The following RALGPS1 variants were observed in gnomAD, a reference collection of about 807,000 sequenced individuals.
RALGPS1 encodes the protein ras-specific guanine nucleotide-releasing factor RalGPS1.
Under a neutral mutation model 78.8 loss-of-function variants are expected in RALGPS1, and 19 were observed. The ratio of observed to expected loss-of-function variants is 0.24; its 90% CI spans 0.17 to 0.35. The LOEUF is 0.35. Among genes scored for constraint, RALGPS1 ranks in the 10% least tolerant of loss-of-function variants. The probability of loss-of-function intolerance (pLI) is 1.00; values close to 1 mark genes in which losing one functional copy is unlikely to be tolerated. For synonymous variants in RALGPS1, 228 were observed against 256.3 expected, an observed-to-expected ratio of 0.89 and a Z score of 1.06; for missense variants, 454 against 688.3, an observed-to-expected ratio of 0.66 and a Z score of 3.81.
chr9:127,096,135 T>A (rs759630473), intron 8 of RALGPS1, among the ~76,000 whole-genome samples: 1 of 152,204 alleles, frequency 6.6e-6, no homozygotes, highest in Non-Finnish European at 1.5e-5. Context: ...CCAGTGCCAC[T>A]TCCTGCCTTT....
intron 7 of RALGPS1, among the ~76,000 whole-genome samples, chr9:127,067,552 G>A (rs1217300512): frequency 6.6e-6 from 1 of 152,214 alleles, no homozygotes; most frequent in Non-Finnish European, 1.5e-5. Context: ...GAACTGCACT[G>A]CTTCCCCAGG....
In RALGPS1 at chr9:127,211,910, G is replaced by C. The variant is rs1357380096; in HGVS notation, c.1248-221G>C. Among the ~76,000 whole-genome samples the C allele has an allele frequency of 6.6e-6, 1 of 152,204 alleles. No homozygotes were observed. The highest frequency in any genetic ancestry group is 1.5e-5 in the Non-Finnish European group (1 of 68,030). ...ATGAGGAACTTGGTCACCAAGCCTG[G>C]AGCTTTGCAGCCCCAGAGACAGGTG... On this transcript the variant is annotated intron_variant, in intron 14 of 18. Coordinates refer to ENST00000259351, the MANE Select transcript of RALGPS1 (RefSeq NM_014636.3). This position sits in a 1 kb window ranked among gnomAD's most constrained non-coding sequence, Gnocchi z 5.0.
At chr9:127,134,669 C>T (rs1473544097) in intron 8 of RALGPS1, among the ~76,000 whole-genome samples, 1 of 152,182 alleles carries the variant, frequency 6.6e-6, no homozygotes, top group Non-Finnish European at 1.5e-5. Context: ...CCTAAACTGA[C>T]TCAGATCTTC....
At chr9:127,174,891 C>A in intron 11 of RALGPS1, 109 bp downstream of exon 11, 2 of 919,390 alleles carry the variant, frequency 2.2e-6, no homozygotes, top group Admixed American at 1.8e-5. Flanking sequence ...TGCAGCTTAG[C>A]AGACTCAGCT....
At chr9:126,937,709 C>T (rs2036393047) in intron 1 of RALGPS1, among the ~76,000 whole-genome samples, 2 of 152,166 alleles carry the variant, frequency 1.3e-5, no homozygotes, top group Admixed American at 6.5e-5. Context: ...GAAGGATGTG[C>T]CCCTTCCCTT....
intron 8 of RALGPS1, among the ~76,000 whole-genome samples, chr9:127,114,274 T>C (rs1298576484): frequency 6.6e-6 from 1 of 152,232 alleles, no homozygotes; most frequent in African/African-American, 2.4e-5. Flanking sequence ...CTTTTAAGGC[T>C]AACAGCAAAG....
At chr9:127,094,924 G>A (rs1167575306) in intron 8 of RALGPS1, among the ~76,000 whole-genome samples, 1 of 152,200 alleles carries the variant, frequency 6.6e-6, no homozygotes, top group Non-Finnish European at 1.5e-5. Flanking sequence ...TCCCCAGGCA[G>A]TTTCTTATGT....
At chr9:126,938,264 G>C (rs1322960919) in intron 1 of RALGPS1, among the ~76,000 whole-genome samples, 1 of 152,176 alleles carries the variant, frequency 6.6e-6, no homozygotes, top group Non-Finnish European at 1.5e-5. Context: ...ATATTGTTAG[G>C]TTTAAAAAAT....
chr9:127,213,137 T>A, intron 17 of RALGPS1, 88 bp downstream of exon 17: 1 of 1,555,998 alleles, frequency 6.4e-7, no homozygotes, highest in East Asian at 2.3e-5. Flanking sequence ...TATTAGGAGC[T>A]TTTGAGGCTG....
At chr9:127,162,602 C>T (rs1362101398) in intron 8 of RALGPS1, among the ~76,000 whole-genome samples, 1 of 152,178 alleles carries the variant, frequency 6.6e-6, no homozygotes, top group East Asian at 1.9e-4. Context: ...GAGGGGTGCT[C>T]TACCCAGTCC....
At chr9:127,058,219 G>T (rs1214243874) in intron 7 of RALGPS1, among the ~76,000 whole-genome samples, 1 of 152,230 alleles carries the variant, frequency 6.6e-6, no homozygotes, top group Non-Finnish European at 1.5e-5. Context: ...GATGTGAGAG[G>T]CAGTGACTGG....
intron 5 of RALGPS1, among the ~76,000 whole-genome samples, chr9:127,048,440 G>A (rs963855588): frequency 6.6e-6 from 1 of 152,098 alleles, no homozygotes; most frequent in Non-Finnish European, 1.5e-5. Flanking sequence ...CTAATACAGC[G>A]ATTCCTTAAG....
intron 11 of RALGPS1, among the ~76,000 whole-genome samples, chr9:127,177,250 TG>T (rs2059933073): frequency 6.6e-6 from 1 of 152,036 alleles, no homozygotes; most frequent in Non-Finnish European, 1.5e-5. Context: ...GGTGGGCCCC[TG>T]GTATACACTA....
chr9:126,969,055 G>GA (rs952133421), intron 3 of RALGPS1, among the ~76,000 whole-genome samples: 7 of 146,418 alleles, frequency 4.8e-5, no homozygotes, highest in African/African-American at 1.3e-4. Flanking sequence ...TCTCAAAAAA[G>GA]AAAAAAAAAA....
At position 126,952,648 on chromosome 9, in the gene RALGPS1, A is replaced by AGTGT. The variant is rs1370007469; in HGVS notation, c.-65-9576_-65-9575insTGTG. Among the ~76,000 whole-genome samples the AGTGT allele has an allele frequency of 1.6e-4, 12 of 75,524 alleles. No individual in the cohort carries two copies. In the South Asian group the frequency reaches 4.6e-3, roughly 29 times the overall value. The allele number at this position is 75,524 out of a possible 152,430, so 49.5% of individuals were successfully genotyped here. Reference sequence around the variant, plus strand: ...GTGGCTGAGAGAGAGAGAGAGAGAGAGAGAGAGAGTGTGTGTGTGTGTGTG... The same window carrying AGTGT: ...GTGGCTGAGAGAGAGAGAGAGAGAGAGTGTGAGAGAGAGTGTGTGTGTGTGTGTG... On this transcript the variant is annotated intron_variant, in intron 1 of 18. Coordinates refer to ENST00000259351, the MANE Select transcript of RALGPS1 (RefSeq NM_014636.3).
chr9:126,934,823 C>T (rs1174551947), intron 1 of RALGPS1, among the ~76,000 whole-genome samples: 1 of 152,160 alleles, frequency 6.6e-6, no homozygotes, highest in Non-Finnish European at 1.5e-5. Flanking sequence ...TGTACCTACC[C>T]AGAAGCCCCC....
chr9:127,167,802 T>C (rs1257075815), intron 9 of RALGPS1, among the ~76,000 whole-genome samples: 3 of 152,196 alleles, frequency 2.0e-5, no homozygotes, highest in Non-Finnish European at 2.9e-5. Context: ...TCTGTTCCTC[T>C]TCACGACCTC....
chr9:127,067,726 G>T (rs1049285245), intron 7 of RALGPS1, among the ~76,000 whole-genome samples: 1 of 152,224 alleles, frequency 6.6e-6, no homozygotes, highest in African/African-American at 2.4e-5. Context: ...TGGGGCTTCT[G>T]TTTATTCATG....
At chr9:127,057,855 T>A (rs2048873232) in intron 7 of RALGPS1, among the ~76,000 whole-genome samples, 1 of 152,194 alleles carries the variant, frequency 6.6e-6, no homozygotes, top group African/African-American at 2.4e-5. Flanking sequence ...GCACAAGAAG[T>A]GATCAATAAA....
Sources: gnomAD v4.1 joint callset for allele counts (sites outside exome capture counted in the v4.1 genomes callset) on GRCh38, gnomAD v4.1.1 for gene constraint, Gnocchi (gnomAD v3.1) non-coding constraint, MANE v1.5 for transcripts, NCBI Gene and HGNC (gene_info 2026-07-23, HGNC 2026-07-21) for gene names.